Variants in CIB1 observed in about 807,000 individuals in gnomAD.
CIB1 encodes calcium and integrin-binding protein 1.
In CIB1, 19 loss-of-function variants were observed where a neutral mutation model predicts 25.0. That is an observed-to-expected ratio of 0.76 (90% CI 0.53 to 1.12). The LOEUF (loss-of-function observed/expected upper bound fraction) is 1.12, where lower values mean the gene tolerates loss of function less well. CIB1 is among the 50% of genes most tolerant of loss of function. The pLI is 0.00. For missense variants in CIB1, 236 were observed against 242.6 expected (o/e 0.97, Z 0.18); for synonymous variants, 104 against 98.5 (o/e 1.06, Z -0.33).
At chr15:90,233,044 C>G (rs1334137042) in intron 2 of CIB1, among the ~76,000 whole-genome samples, 1 of 152,216 alleles carries the variant, frequency 6.6e-6, no homozygotes, top group Non-Finnish European at 1.5e-5. Context: ...CTGTCCTCCT[C>G]GGCCTCCACC....
the CIB1 span, among the ~76,000 whole-genome samples, chr15:90,250,280 C>T: frequency 6.6e-6 from 1 of 152,148 alleles, no homozygotes; most frequent in Non-Finnish European, 1.5e-5. Flanking sequence ...TCACAGCCAT[C>T]CTCTTTCCCA....
chr15:90,234,770 C>T (rs1359898357), upstream of CIB1, among the ~76,000 whole-genome samples: 1 of 152,204 alleles, frequency 6.6e-6, no homozygotes, highest in African/African-American at 2.4e-5. Context: ...CATCTCACCC[C>T]TAGACTGCTG....
chr15:90,265,548 G>A, the CIB1 span: 25 of 1,394,464 alleles, frequency 1.8e-5, no homozygotes, highest in South Asian at 1.9e-4. Context: ...CAGGCAGAAA[G>A]GGTGGGCCAC....
the CIB1 span, chr15:90,264,058 CG>C: frequency 6.6e-7 from 1 of 1,525,190 alleles, no homozygotes; most frequent in South Asian, 1.2e-5. Context: ...GCTCACTAGC[CG>C]TAAGTATGCA....
upstream of CIB1, among the ~76,000 whole-genome samples, chr15:90,237,255 G>T (rs140433095): frequency 0.024 from 3,539 of 149,436 alleles, 132 homozygotes; most frequent in African/African-American, 0.079. Flanking sequence ...CACCGTGCCC[G>T]GACTTTATTG....
chr15:90,257,420 G>A, the CIB1 span: 5 of 1,316,694 alleles, frequency 3.8e-6, no homozygotes, highest in South Asian at 4.4e-5. Context: ...CTAGCTGGGA[G>A]GCAAGTGTTT....
At chr15:90,251,415 C>A in the CIB1 span, 1 of 871,236 alleles carries the variant, frequency 1.1e-6, no homozygotes, top group Non-Finnish European at 1.9e-6. Context: ...TGAGCCACCG[C>A]GCCCAGCCCA....
At chr15:90,232,676 G>A (rs1489998417) in intron 2 of CIB1, among the ~76,000 whole-genome samples, 1 of 152,208 alleles carries the variant, frequency 6.6e-6, no homozygotes, top group African/African-American at 2.4e-5. Flanking sequence ...GGAGGCCAAG[G>A]CGGGCGGAGC....
At chr15:90,247,301 T>C in the CIB1 span, among the ~76,000 whole-genome samples, 31 of 148,088 alleles carry the variant, frequency 2.1e-4, 1 homozygote, top group East Asian at 4.6e-3. Flanking sequence ...CTTTTTTCTT[T>C]TTTTTTTTTT....
At chr15:90,245,311 C>T in the CIB1 span, 1 of 152,042 alleles carries the variant, frequency 6.6e-6, no homozygotes, top group Non-Finnish European at 1.5e-5. Context: ...CCCGTCTCTA[C>T]TAAAAACACA....
chr15:90,263,542 A>G, the CIB1 span: 1 of 550,084 alleles, frequency 1.8e-6, no homozygotes, highest in Non-Finnish European at 3.2e-6. Context: ...ATTTGGGCCA[A>G]CAAAAGAGCT....
chr15:90,247,329 C>T, the CIB1 span, among the ~76,000 whole-genome samples: 62 of 144,202 alleles, frequency 4.3e-4, no homozygotes, highest in Middle Eastern at 3.6e-3. Context: ...GAGAGAGTCT[C>T]GCTGTATTGC....
chr15:90,257,651 G>T, the CIB1 span: 1 of 1,614,186 alleles, frequency 6.2e-7, no homozygotes, highest in Non-Finnish European at 8.5e-7. Flanking sequence ...ATGTCTGCAT[G>T]CACCTGACCA....
chr15:90,262,971 G>T, the CIB1 span: 2 of 1,535,622 alleles, frequency 1.3e-6, no homozygotes, highest in South Asian at 2.4e-5. Context: ...TGTAGCTGCT[G>T]CCGGGACAGC....
At chr15:90,262,468 T>C in the CIB1 span, 1 of 1,460,644 alleles carries the variant, frequency 6.8e-7, no homozygotes, top group Non-Finnish European at 9.0e-7. Context: ...TTCTCTACTG[T>C]CTGAAGCTGC....
the CIB1 span, chr15:90,265,010 A>G: frequency 7.3e-6 from 11 of 1,497,980 alleles, no homozygotes; most frequent in Non-Finnish European, 9.8e-6. Context: ...TAACCTCCCC[A>G]GGTTTCCAAA....
the CIB1 span, chr15:90,258,763 T>C: frequency 1.2e-6 from 2 of 1,614,060 alleles, no homozygotes; most frequent in Non-Finnish European, 1.7e-6. Flanking sequence ...CTCCAAGCTT[T>C]ACCACGGACT....
chr15:90,257,814 A>C, the CIB1 span: 1 of 1,311,582 alleles, frequency 7.6e-7, no homozygotes, highest in Non-Finnish European at 1.1e-6. Flanking sequence ...TGGGAGGCTA[A>C]TTGCCCAGGG....
the CIB1 span, chr15:90,249,947 T>TTTTA: frequency 0.17 from 24,619 of 147,570 alleles, 2,212 homozygotes; most frequent in Middle Eastern, 0.21. Context: ...CTGTATTTTA[T>TTTTA]TTTATTTATT....
Sources: allele counts gnomAD v4.1 joint callset (sites outside exome capture counted in the v4.1 genomes callset), GRCh38; gene constraint gnomAD v4.1.1; transcripts MANE v1.5; gene names NCBI Gene and HGNC (gene_info 2026-07-23, HGNC 2026-07-21).